Variants in TSHZ2 observed in about 807,000 individuals in gnomAD.
TSHZ2 encodes teashirt zinc finger homeobox 2.
In TSHZ2, 21 loss-of-function variants were observed where a neutral mutation model predicts 74.4. That is an observed-to-expected ratio of 0.28 (90% CI 0.20 to 0.41). The LOEUF is 0.41. TSHZ2 is among the 10% of genes least tolerant of loss of function. TSHZ2 has a pLI of 1.00. For synonymous variants in TSHZ2, 540 were observed against 515.3 expected, an observed-to-expected ratio of 1.05 and a Z score of -0.65; for missense variants, 1,244 against 1,293.5, an observed-to-expected ratio of 0.96 and a Z score of 0.59.
At chr20:53,349,976 C>T (rs916797189) in intron 2 of TSHZ2, among the ~76,000 whole-genome samples, 8 of 152,194 alleles carry the variant, frequency 5.3e-5, no homozygotes, top group Non-Finnish European at 1.0e-4. Context: ...TAGAAGCTGC[C>T]TGCATTACTT....
intron 2 of TSHZ2, among the ~76,000 whole-genome samples, chr20:53,454,558 T>C (rs1600653278): frequency 1.3e-5 from 2 of 149,416 alleles, no homozygotes; most frequent in South Asian, 2.1e-4. Flanking sequence ...TGAAACTTGG[T>C]CTCAAAAAAA....
chr20:53,208,621 G>A (rs1253102869), intron 1 of TSHZ2: 3 of 152,100 alleles, frequency 2.0e-5, no homozygotes, highest in Admixed American at 2.0e-4. Flanking sequence ...TCAAAGCAGT[G>A]CACTTGGACT....
intron 2 of TSHZ2, among the ~76,000 whole-genome samples, chr20:53,376,826 G>A (rs182362573): frequency 5.3e-5 from 8 of 152,348 alleles, no homozygotes; most frequent in African/African-American, 1.7e-4. Context: ...TCTCCCTAGA[G>A]CAAGCACTCT....
intron 2 of TSHZ2, among the ~76,000 whole-genome samples, chr20:53,446,121 G>A (rs142029401): frequency 1.8e-4 from 27 of 152,226 alleles, no homozygotes; most frequent in Non-Finnish European, 3.5e-4. Context: ...TATGTGACTT[G>A]CTTTCTCCAA....
At chr20:53,069,015 G>A (rs1480824030) in intron 1 of TSHZ2, among the ~76,000 whole-genome samples, 5 of 152,022 alleles carry the variant, frequency 3.3e-5, no homozygotes, top group Non-Finnish European at 7.4e-5. Context: ...CAACTGTGTC[G>A]AGTGTTAGGT....
At chr20:53,185,810 A>T in intron 1 of TSHZ2, 1 of 1,157,252 alleles carries the variant, frequency 8.6e-7, no homozygotes, top group Non-Finnish European at 1.2e-6. Context: ...TGCTTGTATC[A>T]GTAATTTAAT....
chr20:53,044,006 G>C (rs911535885), intron 1 of TSHZ2, among the ~76,000 whole-genome samples: 1 of 152,230 alleles, frequency 6.6e-6, no homozygotes, highest in African/African-American at 2.4e-5. Context: ...TTCTCTATGA[G>C]AGGGTATGTA....
chr20:53,018,096 A>C (rs1983107204), intron 1 of TSHZ2, among the ~76,000 whole-genome samples: 1 of 151,900 alleles, frequency 6.6e-6, no homozygotes, highest in Non-Finnish European at 1.5e-5. Context: ...TAATTGAAAA[A>C]CCCCAAAATC....
intron 1 of TSHZ2, among the ~76,000 whole-genome samples, chr20:53,033,123 A>G (rs1983696935): frequency 6.6e-6 from 1 of 152,240 alleles, no homozygotes; most frequent in South Asian, 2.1e-4. Context: ...AGTAGATGCT[A>G]TGATTTGAAT....
At chr20:53,133,531 T>C (rs1217502921) in intron 1 of TSHZ2, among the ~76,000 whole-genome samples, 1 of 152,060 alleles carries the variant, frequency 6.6e-6, no homozygotes, top group Non-Finnish European at 1.5e-5. Flanking sequence ...CGCCAGAAAG[T>C]GAGGTCATGC....
intron 1 of TSHZ2, among the ~76,000 whole-genome samples, chr20:53,192,073 C>G (rs1052351981): frequency 2.0e-5 from 3 of 152,034 alleles, no homozygotes; most frequent in Non-Finnish European, 4.4e-5. Context: ...AAAGTATGTG[C>G]AAAACAATCT....
chr20:53,170,141 A>T lies in TSHZ2; in HGVS notation c.41-83358A>T, dbSNP rs146530663. Among the ~76,000 whole-genome samples, 630 of 152,316 alleles carry T rather than the reference A, an allele frequency of 4.1e-3. 3 individuals carry two copies. Among genetic ancestry groups the T allele is most frequent in the African/African-American group, 0.014 (587 of 41,566 alleles). On this transcript the variant is annotated intron_variant, in intron 1 of 2. Transcript: ENST00000371497. ...TAGTAATTACAGAGCCAGGTTTTGA[A>T]TGGAGATCTATTCAGCCCCAAAGTC...
At chr20:52,995,494 T>C (rs1982149009) in intron 1 of TSHZ2, among the ~76,000 whole-genome samples, 1 of 152,180 alleles carries the variant, frequency 6.6e-6, no homozygotes, top group Non-Finnish European at 1.5e-5. Flanking sequence ...AAGGGAGGAA[T>C]GCATGCAGAG....
intron 2 of TSHZ2, among the ~76,000 whole-genome samples, chr20:53,365,897 C>G (rs1259755512): frequency 6.6e-6 from 1 of 152,218 alleles, no homozygotes; most frequent in South Asian, 2.1e-4. Context: ...CCAGAGAGCA[C>G]TTCCTCCTGT....
In TSHZ2 at chr20:53,175,141, T is replaced by C. The variant is rs1473929353; in HGVS notation, c.41-78358T>C. On this transcript the variant is annotated intron_variant, in intron 1 of 2. Transcript: ENST00000371497. The stretch of plus-strand genomic sequence containing the variant: ...TCCTTCTTCTTCTTTCTTTTTTTTT[T>C]TTTTTTTTTTTTTTTTTTCAACGGA... Among the ~76,000 whole-genome samples the C allele has an allele frequency of 1.1e-4, 16 of 139,826 alleles. 1 individual carries two copies. The highest frequency in any genetic ancestry group is 7.8e-4 in the Admixed American group (11 of 14,022). The allele number at this position is 139,826 out of a possible 152,430, so 91.7% of individuals were successfully genotyped here.
chr20:53,411,378 T>G (rs1983049094), intron 2 of TSHZ2, among the ~76,000 whole-genome samples: 1 of 152,140 alleles, frequency 6.6e-6, no homozygotes, highest in Non-Finnish European at 1.5e-5. Flanking sequence ...CCAAGTGAGC[T>G]CCATGTCTTG....
In TSHZ2 at chr20:53,290,576, C is replaced by T. The variant is rs577088104; in HGVS notation, c.*8+34005C>T. ...ACAATGTCCCCCATATTTTTAAACA[C>T]TTTTAATATAGTCAAAGCACTCTGA... On this transcript the variant is annotated intron_variant, in intron 2 of 2. Coordinates refer to ENST00000371497, the MANE Select transcript of TSHZ2 (RefSeq NM_173485.6). Among the ~76,000 whole-genome samples the T allele has an allele frequency of 2.7e-4, 41 of 152,238 alleles. 1 individual carries two copies. The highest frequency in any genetic ancestry group is 9.4e-4 in the African/African-American group (39 of 41,546).
At chr20:53,077,257 CA>C (rs5841927) in intron 1 of TSHZ2, among the ~76,000 whole-genome samples, 124,337 of 150,894 alleles carry the variant, frequency 0.82, 51,881 homozygotes, top group Admixed American at 0.89. Context: ...TACTAAAATA[CA>C]AAAAAAAAAT....
At chr20:53,419,020 G>A (rs1048242784) in intron 2 of TSHZ2, among the ~76,000 whole-genome samples, 1 of 152,310 alleles carries the variant, frequency 6.6e-6, no homozygotes, top group Non-Finnish European at 1.5e-5. Context: ...AAGCCATCCT[G>A]TGCAATGAAG....
Sources: gnomAD v4.1 joint callset for allele counts (sites outside exome capture counted in the v4.1 genomes callset) on GRCh38, gnomAD v4.1.1 for gene constraint, MANE v1.5 for transcripts, NCBI Gene and HGNC (gene_info 2026-07-23, HGNC 2026-07-21) for gene names.